TNXB: variants seen among roughly 807,000 people sequenced by gnomAD.
TNXB encodes tenascin-X.
A neutral mutation model predicts 340.5 loss-of-function variants in TNXB; 183 were observed. The ratio of observed to expected loss-of-function variants is 0.54; its 90% CI spans 0.48 to 0.61. TNXB has a LOEUF of 0.61. Among genes scored for constraint, TNXB ranks in the 20% least tolerant of loss-of-function variants. The probability of loss-of-function intolerance (pLI) is 0.00; values close to 1 mark genes in which losing one functional copy is unlikely to be tolerated. For missense variants in TNXB, 4,613 were observed against 5,446.4 expected (o/e 0.85, Z 4.82); for synonymous variants, 2,121 against 2,314.5 (o/e 0.92, Z 2.40).
In TNXB at chr6:32,069,959, G is replaced by A. The variant is rs1325664498; in HGVS notation, c.5279-98C>T. The A allele has an allele frequency of 1.3e-5, 18 of 1,391,552 alleles. No individual in the cohort carries two copies. The highest frequency in any genetic ancestry group is 1.5e-5 in the South Asian group (1 of 68,174). 86.2% of individuals were successfully genotyped at this position (1,391,552 alleles called of 1,614,324 possible). ...GAGAGGTCTGGAGACAGGGCTTTGC[G>A]TGGCTGAGTCCTGCCGGGCTGTGCT... On this transcript the variant is annotated intron_variant, in intron 14 of 43. Transcript: ENST00000644971. The surrounding 1 kb of genome is among the most constrained non-coding windows in gnomAD (Gnocchi z 6.2).
rs1778424558 is a variant in TNXB at position 32,067,186 on chromosome 6, A to AGAAAGAAAGAAAGAAAGAAG, written c.6544+474_6544+475insCTTCTTTCTTTCTTTCTTTC. Among the ~76,000 whole-genome samples the AGAAAGAAAGAAAGAAAGAAG allele has an allele frequency of 6.6e-6, 1 of 151,706 alleles. No individual in the cohort carries two copies. The highest frequency in any genetic ancestry group is 1.9e-4 in the East Asian group (1 of 5,176). ...AAGAAAGAAAGAAAGAAAGAAAGAA[A>AGAAAGAAAGAAAGAAAGAAG]ACATTCTAGTGATTCTAGTGGAGGA... is the stretch of plus-strand genomic sequence containing the variant. On this transcript the variant is annotated intron_variant, in intron 18 of 43. Transcript: ENST00000644971. This position sits in a 1 kb window ranked among gnomAD's most constrained non-coding sequence, Gnocchi z 4.2.
chr6:32,053,267 A>G, intron 25 of TNXB, 121 bp downstream of exon 25: 6 of 1,451,894 alleles, frequency 4.1e-6, no homozygotes, highest in Non-Finnish European at 4.6e-6. Flanking sequence ...AAGTGGGGAA[A>G]GACAAAAAAG....
At chr6:32,101,766 CAG>C (rs1005727817) in intron 1 of TNXB, among the ~76,000 whole-genome samples, 1 of 152,080 alleles carries the variant, frequency 6.6e-6, no homozygotes, top group African/African-American at 2.4e-5. Context: ...CTCTGTCACC[CAG>C]GCTGAAGCAC....
In TNXB at chr6:32,048,583, C is replaced by A; in HGVS notation, c.9825G>T (p.Ser3275=). 1 of 1,524,474 alleles carries A rather than the reference C, an allele frequency of 6.6e-7. No homozygotes were observed. The highest frequency in any genetic ancestry group is 8.8e-7 in the Non-Finnish European group (1 of 1,130,484). 94.4% of individuals were successfully genotyped at this position (1,524,474 alleles called of 1,614,324 possible). ...LGELAVAAVT[S]DSVGLSWTVA... ...CCGTCCATGAGAGGCCCACTGAGTCCGAGGTCACGGCCGCCACCGCCAGCT... is the reference window on the plus strand; with the variant it reads ...CCGTCCATGAGAGGCCCACTGAGTCAGAGGTCACGGCCGCCACCGCCAGCT... Residue 3275 remains serine, a synonymous_variant, in exon 29 of 44, where the codon TCG becomes TCT. Transcript: ENST00000644971.
chr6:32,067,642 C>T lies in TNXB; in HGVS notation c.6544+19G>A. 1 of 1,609,484 alleles carries T rather than the reference C, an allele frequency of 6.2e-7. No individual in the cohort carries two copies. Among genetic ancestry groups the T allele is most frequent in the Non-Finnish European group, 8.5e-7 (1 of 1,177,182 alleles). On this transcript the variant is annotated intron_variant, in intron 18 of 43. Transcript: ENST00000644971. The surrounding 1 kb of genome is among the most constrained non-coding windows in gnomAD (Gnocchi z 4.2). ...CTTTGCTAAGACCCAACCCAGAGGGCTCTGCAGTGCACACTCACCCGTGAC... is the reference window on the plus strand; with the variant it reads ...CTTTGCTAAGACCCAACCCAGAGGGTTCTGCAGTGCACACTCACCCGTGAC...
At chr6:32,091,358 C>T (rs551989668) in intron 4 of TNXB, among the ~76,000 whole-genome samples, 1 of 152,316 alleles carries the variant, frequency 6.6e-6, no homozygotes, top group African/African-American at 2.4e-5. Flanking sequence ...GATCCACCCA[C>T]CTCAGCCTCC....
chr6:32,050,403 C>T, intron 26 of TNXB, 82 bp from the exon 27 acceptor site: 3 of 1,543,558 alleles, frequency 1.9e-6, no homozygotes, highest in East Asian at 2.3e-5. Flanking sequence ...ACACAAAGTG[C>T]CCAAGAACAG....
Position 32,067,938 on chromosome 6 carries a change from G to C in TNXB, c.6267C>G (p.Ala2089=). The C allele has an allele frequency of 1.2e-6, 2 of 1,612,554 alleles. No homozygotes were observed. Among genetic ancestry groups the C allele is most frequent in the Middle Eastern group, 1.7e-4 (1 of 5,758 alleles). ...GGAGCGGCTCCTCAGCGGGCTCCGGGGCCTCCATGCTGGGTTCTGTGGGGC... is the reference window on the plus strand; with the variant it reads ...GGAGCGGCTCCTCAGCGGGCTCCGGCGCCTCCATGCTGGGTTCTGTGGGGC... ...TPSPTEPSME[A]PEPAEEPLLG... Residue 2089 remains alanine, a synonymous_variant, in exon 18 of 44, where the codon GCC becomes GCG. Transcript: ENST00000644971. This position sits in a 1 kb window ranked among gnomAD's most constrained non-coding sequence, Gnocchi z 4.2.
Position 32,107,963 on chromosome 6 carries a change from A to G in TNXB, c.-9+1218T>C, listed in dbSNP as rs188644774. 1.9e-3 allele frequency among the ~76,000 whole-genome samples: 294 copies of G among 152,110 alleles called. 3 individuals are homozygous for G. The highest frequency in any genetic ancestry group is 6.6e-3 in the African/African-American group (275 of 41,480). Reference sequence around the variant, plus strand: ...GAGGGGTAGGTTGGGGAATCCAGATACCCCTTATTCTGGGGAGCTAATCGG... The same window carrying G: ...GAGGGGTAGGTTGGGGAATCCAGATGCCCCTTATTCTGGGGAGCTAATCGG... On this transcript the variant is annotated intron_variant, in intron 1 of 43. Transcript: ENST00000644971.
In TNXB at chr6:32,088,947, A is replaced by G; in HGVS notation, c.2617T>C (p.Ser873Pro). 1 of 1,608,008 alleles carries G rather than the reference A, an allele frequency of 6.2e-7. No individual in the cohort carries two copies. Among genetic ancestry groups the G allele is most frequent in the Non-Finnish European group, 8.5e-7 (1 of 1,177,486 alleles). ...CTCTGGTTGCCGGCACTGACGTAGG[A>G]CACCACAAATCGGTCCACCTCAGCC... is the stretch of plus-strand genomic sequence containing the variant. Reference protein sequence around the residue: ...PQAEVDRFVVSYVSAGNQRVR... With the variant: ...PQAEVDRFVVPYVSAGNQRVR... Residue 873 changes from serine (S) to proline (P), a missense_variant, in exon 6 of 44, where the codon TCC becomes CCC. Around this residue, in one of 7 missense-constraint regions of TNXB, gnomAD observed 4,327 missense variants for 4,859.4 expected, o/e 0.89. Coordinates refer to ENST00000644971, the MANE Select transcript of TNXB (RefSeq NM_001365276.2).
chr6:32,105,843 A>G (rs915889252), intron 1 of TNXB, among the ~76,000 whole-genome samples: 2 of 152,332 alleles, frequency 1.3e-5, no homozygotes, highest in South Asian at 4.1e-4. Context: ...TATACCCAAC[A>G]TAGCTCATAA....
At chr6:32,094,727 T>C (rs1411746959) in intron 4 of TNXB, among the ~76,000 whole-genome samples, 1 of 152,190 alleles carries the variant, frequency 6.6e-6, no homozygotes, top group African/African-American at 2.4e-5. Flanking sequence ...TTCCAGCTGC[T>C]GATGAATACC....
chr6:32,047,967 G>A lies in TNXB; in HGVS notation c.10091C>T (p.Thr3364Ile). 6.2e-7 allele frequency: 1 copy of A among 1,611,138 alleles called. No individual in the cohort carries two copies. Among genetic ancestry groups the A allele is most frequent in the Non-Finnish European group, 8.5e-7 (1 of 1,179,136 alleles). The change falls in exon 30 of 44, where the codon ACA becomes ATA. Residue 3364 changes from threonine to isoleucine, a missense_variant. Physicochemically the swap from Thr to Ile is moderately conservative, Grantham distance 89. Coordinates refer to ENST00000644971, the MANE Select transcript of TNXB (RefSeq NM_001365276.2). The surrounding 1 kb of genome is among the most constrained non-coding windows in gnomAD (Gnocchi z 6.2). ...GCCCACGGAGTCAGGGGTCGCATCT[G>A]TCACAGTCAGCTCCCCCAGGCGGGG... ...PSPRLGELTV[T>I]DATPDSVGLS...
In TNXB at chr6:32,097,144, C is replaced by T. The variant is rs769774428; in HGVS notation, c.709G>A (p.Ala237Thr). 6.2e-7 allele frequency: 1 copy of T among 1,601,692 alleles called. No homozygotes were observed. Among genetic ancestry groups the T allele is most frequent in the Non-Finnish European group, 8.5e-7 (1 of 1,174,782 alleles). ...RCVQGVCVCR[A>T]GFSGPDCSQR... ...CTGCAGTCGGGGCCTGAGAAGCCTG[C>T]CCGGCACACACACACGCCCTGCACG... The change falls in exon 3 of 44, where the codon GCA becomes ACA. Residue 237 changes from alanine to threonine, a missense_variant. Physicochemically the swap from Ala to Thr is moderately conservative, Grantham distance 58 (BLOSUM62 0). Coordinates refer to ENST00000644971, the MANE Select transcript of TNXB (RefSeq NM_001365276.2). The surrounding 1 kb of genome is among the most constrained non-coding windows in gnomAD (Gnocchi z 5.9).
rs766874405 is a variant in TNXB, at chr6:32,042,129, T to A, written c.12352A>T (p.Met4118Leu). Reference protein sequence around the residue: ...HSLTQAGDYSMRVDLRAGDEA... With the variant: ...HSLTQAGDYSLRVDLRAGDEA... Reference sequence around the variant, plus strand: ...TCCCCAGCCCGCAGGTCCACGCGCATGGAGTAGTCACCTGCCTGTGTCAGG... The same window carrying A: ...TCCCCAGCCCGCAGGTCCACGCGCAAGGAGTAGTCACCTGCCTGTGTCAGG... The change falls in exon 42 of 44, where the codon ATG becomes TTG. Residue 4118 changes from methionine to leucine, a missense_variant. By Grantham distance (15) the Met-to-Leu change is conservative. Transcript: ENST00000644971. 1.1e-4 allele frequency: 65 copies of A among 617,544 alleles called. No individual in the cohort carries two copies. The African/African-American group carries it at 1.6e-3, about 15-fold the overall frequency. The allele number at this position is 617,544 out of a possible 1,614,324, so 38.3% of individuals were successfully genotyped here.
In TNXB at chr6:32,073,589, A is replaced by T; in HGVS notation, c.4681+58T>A. On this transcript the variant is annotated intron_variant, in intron 12 of 43. Coordinates refer to ENST00000644971, the MANE Select transcript of TNXB (RefSeq NM_001365276.2). The surrounding 1 kb of genome is among the most constrained non-coding windows in gnomAD (Gnocchi z 4.6). ...CCAAGGCAGGGCTGGAAGAAGGGCC[A>T]TGGGGTGGGGGAGCTCTGGGTAACC... 6.6e-7 allele frequency: 1 copy of T among 1,503,904 alleles called. No individual in the cohort carries two copies. The highest frequency in any genetic ancestry group is 9.1e-7 in the Non-Finnish European group (1 of 1,104,384). The allele number at this position is 1,503,904 out of a possible 1,614,324, so 93.2% of individuals were successfully genotyped here.
rs912459761 is a variant in TNXB, at chr6:32,067,699, C to T, written c.6506G>A (p.Gly2169Glu). 2.5e-6 allele frequency: 4 copies of T among 1,613,826 alleles called. No homozygotes were observed. Among genetic ancestry groups the T allele is most frequent in the Non-Finnish European group, 3.4e-6 (4 of 1,179,820 alleles). Residue 2169 changes from glycine to glutamate, a missense_variant, in exon 18 of 44, where the codon GGG becomes GAG. Coordinates refer to ENST00000644971, the MANE Select transcript of TNXB (RefSeq NM_001365276.2). This position sits in a 1 kb window ranked among gnomAD's most constrained non-coding sequence, Gnocchi z 4.2. ...AGCAGACACTGGGCCCACGCGCCGC[C>T]CCTCGTGGAGGCCGTACAGGTGCAT... ...YKMHLYGLHEGRRVGPVSAVG... is the reference protein window; with the variant it reads ...YKMHLYGLHEERRVGPVSAVG...
chr6:32,052,522 T>A lies in TNXB; in HGVS notation c.9115+148A>T. The A allele has an allele frequency of 1.8e-6, 2 of 1,124,656 alleles. No individual in the cohort carries two copies. Among genetic ancestry groups the A allele is most frequent in the South Asian group, 3.3e-5 (2 of 59,936 alleles). 69.7% of individuals were successfully genotyped at this position (1,124,656 alleles called of 1,614,324 possible). On this transcript the variant is annotated intron_variant, in intron 26 of 43. Coordinates refer to ENST00000644971, the MANE Select transcript of TNXB (RefSeq NM_001365276.2). The surrounding 1 kb of genome is among the most constrained non-coding windows in gnomAD (Gnocchi z 4.7). ...CTTGCCCTAGGCCAAGCCTGCTGAA[T>A]CCAAATCTGCTTTTTAACAAAAATC...
Position 32,096,495 on chromosome 6 carries a change from T to C in TNXB, c.1358A>G (p.Asn453Ser), listed in dbSNP as rs547835381. 49 of 1,600,774 alleles carry C rather than the reference T, an allele frequency of 3.1e-5. No individual in the cohort carries two copies. Among genetic ancestry groups the C allele is most frequent in the Non-Finnish European group, 3.9e-5 (46 of 1,179,204 alleles). ...GCAGTCCTCGCCGCTGTAGCCCGCA[T>C]TGCAAACACACACGCCGTTCTCGCA... ...GRCENGVCVC[N>S]AGYSGEDCGV... Residue 453 changes from asparagine to serine, a missense_variant, in exon 3 of 44, where the codon AAT becomes AGT. By Grantham distance (46) the Asn-to-Ser change is conservative (BLOSUM62 1). Coordinates refer to ENST00000644971, the MANE Select transcript of TNXB (RefSeq NM_001365276.2).
Sources: allele counts gnomAD v4.1 joint callset (sites outside exome capture counted in the v4.1 genomes callset), GRCh38; gene constraint gnomAD v4.1.1; regional missense constraint gnomAD v4.1.1; non-coding constraint Gnocchi (gnomAD v3.1); transcripts MANE v1.5; gene names NCBI Gene and HGNC (gene_info 2026-07-23, HGNC 2026-07-21).